EBF2: variants seen among roughly 807,000 people sequenced by gnomAD.
EBF2 encodes the protein EBF transcription factor 2, also known as transcription factor COE2.
EBF2 carries 21 observed loss-of-function variants against 72.8 expected under a neutral mutation model. The ratio of observed to expected loss-of-function variants is 0.29; its 90% CI spans 0.20 to 0.42. The LOEUF is 0.42. EBF2 is among the 10% of genes least tolerant of loss of function. The pLI is 1.00. For synonymous variants in EBF2, 299 were observed against 274.2 expected (o/e 1.09, Z -0.89); for missense variants, 637 against 731.2 (o/e 0.87, Z 1.49).
rs894147637 is a variant in EBF2 at position 26,039,258 on chromosome 8, G to A, written c.482+770C>T. On this transcript the variant is annotated intron_variant, in intron 5 of 15. Transcript: ENST00000520164. ...CTAGTCAGGCAGAAAAAAAGGGTGG[G>A]GGGGGAATGCACAGGACTCAAGGTG... Among the ~76,000 whole-genome samples, 7 of 151,956 alleles carry A rather than the reference G, an allele frequency of 4.6e-5. No homozygotes were observed. The South Asian group carries it at 1.5e-3, about 32-fold the overall frequency.
At chr8:25,882,758 A>C (rs919844943) in intron 10 of EBF2, among the ~76,000 whole-genome samples, 2 of 152,316 alleles carry the variant, frequency 1.3e-5, no homozygotes, top group South Asian at 4.1e-4. Context: ...CAGGTATCTA[A>C]TTCCAGAGCA....
intron 6 of EBF2, among the ~76,000 whole-genome samples, chr8:25,914,759 A>T (rs1803182945): frequency 6.6e-6 from 1 of 152,232 alleles, no homozygotes; most frequent in South Asian, 2.1e-4. Context: ...TTGTAAGCTG[A>T]TGTTCTACCG....
At chr8:25,859,721 CTT>C (rs202200790) in intron 13 of EBF2, among the ~76,000 whole-genome samples, 4 of 142,850 alleles carry the variant, frequency 2.8e-5, no homozygotes, top group Non-Finnish European at 3.1e-5. Context: ...CCTGTCTAGT[CTT>C]TTTTTTTTTT....
intron 14 of EBF2, among the ~76,000 whole-genome samples, chr8:25,852,269 A>C (rs900589608): frequency 3.3e-5 from 5 of 152,232 alleles, no homozygotes; most frequent in African/African-American, 1.2e-4. Flanking sequence ...GGTTCTGAGC[A>C]AAATCTCTTC....
intron 6 of EBF2, among the ~76,000 whole-genome samples, chr8:25,967,210 C>A (rs533264887): frequency 9.1e-4 from 139 of 152,266 alleles, no homozygotes; most frequent in African/African-American, 3.3e-3. Flanking sequence ...GTTTATTAAA[C>A]CATTGCTAAG....
At chr8:26,043,817 C>G (rs1040573886) in intron 1 of EBF2, among the ~76,000 whole-genome samples, 3 of 152,152 alleles carry the variant, frequency 2.0e-5, no homozygotes, top group African/African-American at 4.8e-5. Context: ...GGCTGCCTCT[C>G]TCGCAGACAA....
chr8:25,990,786 CTTATAA>C (rs1447992429), intron 6 of EBF2, among the ~76,000 whole-genome samples: 3 of 152,212 alleles, frequency 2.0e-5, no homozygotes, highest in Non-Finnish European at 4.4e-5. Context: ...AACTCAGTAC[CTTATAA>C]TTATAAACAC....
At chr8:25,940,887 C>G (rs1441397692) in intron 6 of EBF2, among the ~76,000 whole-genome samples, 2 of 152,120 alleles carry the variant, frequency 1.3e-5, no homozygotes, top group Non-Finnish European at 2.9e-5. Flanking sequence ...AGTGCCTCCC[C>G]CTTCCCCCAA....
At chr8:25,845,681 G>A (rs1801818755) in intron 15 of EBF2, among the ~76,000 whole-genome samples, 1 of 152,156 alleles carries the variant, frequency 6.6e-6, no homozygotes, top group Non-Finnish European at 1.5e-5. Flanking sequence ...GCACAATGTG[G>A]AAAAATCCCA....
chr8:26,015,462 C>G (rs1174381040), intron 6 of EBF2, among the ~76,000 whole-genome samples: 4 of 152,178 alleles, frequency 2.6e-5, no homozygotes, highest in Non-Finnish European at 5.9e-5. Flanking sequence ...ACTAGGTGCT[C>G]GCTATGCATT....
At chr8:26,032,126 C>A (rs1805418921) in intron 6 of EBF2, 1 of 152,182 alleles carries the variant, frequency 6.6e-6, no homozygotes, top group East Asian at 1.9e-4. Context: ...TATTGAAGAA[C>A]AAAGATGCTG....
chr8:25,876,241 A>ATT (rs755256311), intron 10 of EBF2, among the ~76,000 whole-genome samples: 3 of 152,118 alleles, frequency 2.0e-5, no homozygotes, highest in Non-Finnish European at 2.9e-5. Context: ...GGAGGGGAAC[A>ATT]ACACACACTG....
At chr8:25,932,024 CAA>C (rs1444410914) in intron 6 of EBF2, among the ~76,000 whole-genome samples, 2 of 151,218 alleles carry the variant, frequency 1.3e-5, no homozygotes, top group Admixed American at 6.6e-5. Flanking sequence ...TTCTATGAAA[CAA>C]GGGATCTGGG....
At chr8:25,910,675 A>G (rs1391211050) in intron 6 of EBF2, among the ~76,000 whole-genome samples, 1 of 152,082 alleles carries the variant, frequency 6.6e-6, no homozygotes, top group Admixed American at 6.5e-5. Flanking sequence ...TTAAATTAGG[A>G]CCCTTAACAG....
At chr8:26,009,564 T>C (rs1804943412) in intron 6 of EBF2, among the ~76,000 whole-genome samples, 1 of 152,214 alleles carries the variant, frequency 6.6e-6, no homozygotes, top group Non-Finnish European at 1.5e-5. Context: ...AACTTGGGTA[T>C]TGACTCTATT....
At chr8:25,846,355 C>T (rs1051721882) in intron 15 of EBF2, among the ~76,000 whole-genome samples, 3 of 152,018 alleles carry the variant, frequency 2.0e-5, no homozygotes, top group Admixed American at 6.6e-5. Context: ...AAGGTGGAAC[C>T]ATGCTGTATG....
intron 6 of EBF2, among the ~76,000 whole-genome samples, chr8:25,995,298 C>T (rs1245797872): frequency 6.6e-6 from 1 of 152,262 alleles, no homozygotes; most frequent in South Asian, 2.1e-4. Context: ...AAGAGTGAAA[C>T]TCTGCCTCAA....
chr8:25,844,049 C>A lies in EBF2; in HGVS notation c.*560G>T, dbSNP rs1345070276. 1 of 151,710 alleles carries A rather than the reference C, an allele frequency of 6.6e-6. No individual in the cohort carries two copies. The highest frequency in any genetic ancestry group is 6.6e-5 in the Admixed American group (1 of 15,210). The allele number at this position is 151,710 out of a possible 1,614,324, so 9.4% of individuals were successfully genotyped here. A position where few individuals can be genotyped will look rare whatever the true frequency, so the allele number is the denominator to read the frequency against. On this transcript the variant is annotated 3_prime_UTR_variant, in exon 16 of 16. Transcript: ENST00000520164. ...TTGTAAAACATTTTAAAATTTTTCC[C>A]TTTTTTTGTTCATTTTTTAAAGAGA...
At chr8:26,005,287 T>A (rs1473826892) in intron 6 of EBF2, among the ~76,000 whole-genome samples, 1 of 8,176 alleles carries the variant, frequency 1.2e-4, no homozygotes, top group Non-Finnish European at 2.2e-4. Flanking sequence ...AATTATATAA[T>A]TATATAATTA....
Sources: gnomAD v4.1 joint callset for allele counts (sites outside exome capture counted in the v4.1 genomes callset) on GRCh38, gnomAD v4.1.1 for gene constraint, MANE v1.5 for transcripts, NCBI Gene and HGNC (gene_info 2026-07-23, HGNC 2026-07-21) for gene names.